The following UTS2B variants were observed in gnomAD, a reference collection of about 807,000 sequenced individuals.
UTS2B encodes the protein urotensin 2B.
In UTS2B, 21 loss-of-function variants were observed where a neutral mutation model predicts 19.2. The ratio of observed to expected loss-of-function variants is 1.09; its 90% confidence interval spans 0.78 to 1.58. The LOEUF (loss-of-function observed/expected upper bound fraction) is 1.58. UTS2B is among the 40% of genes most tolerant of loss of function. The pLI is 0.00. For synonymous variants in UTS2B, 57 were observed against 50.2 expected (o/e 1.14, Z -0.58); for missense variants, 138 against 130.3 (o/e 1.06, Z -0.29).
At chr3:191,298,583 A>C (rs1219176920) in intron 4 of UTS2B, among the ~76,000 whole-genome samples, 1 of 152,198 alleles carries the variant, frequency 6.6e-6, no homozygotes, top group Non-Finnish European at 1.5e-5. Context: ...GTTAAACCTC[A>C]TTTCTTTATA....
upstream of UTS2B, among the ~76,000 whole-genome samples, chr3:191,332,403 A>G (rs1413654382): frequency 3.3e-5 from 5 of 152,346 alleles, no homozygotes; most frequent in South Asian, 6.2e-4. Context: ...GAATCAAGTC[A>G]ACTAAGTGTC....
chr3:191,337,176 A>G, the UTS2B span, among the ~76,000 whole-genome samples: 1 of 152,168 alleles, frequency 6.6e-6, no homozygotes, highest in Non-Finnish European at 1.5e-5. Context: ...CAGAAAAAAA[A>G]AAAAGATTTG....
At chr3:191,318,332 A>G (rs929656058) in intron 2 of UTS2B, among the ~76,000 whole-genome samples, 11 of 152,244 alleles carry the variant, frequency 7.2e-5, no homozygotes, top group African/African-American at 2.7e-4. Context: ...AGGAAATCTC[A>G]TAAATCTGAG....
the UTS2B span, among the ~76,000 whole-genome samples, chr3:191,344,290 C>G: frequency 6.6e-6 from 1 of 152,268 alleles, no homozygotes; most frequent in African/African-American, 2.4e-5. Context: ...CTAGAGCAGT[C>G]CTATCTAATA....
chr3:191,331,490 G>A (rs903957908), upstream of UTS2B, among the ~76,000 whole-genome samples: 4 of 152,088 alleles, frequency 2.6e-5, no homozygotes, highest in African/African-American at 7.2e-5. Context: ...TTCATTTTGC[G>A]TAATACGGTG....
rs200863229 is a variant in UTS2B, at chr3:191,275,272, G to A, written c.314C>T (p.Ser105Phe). ...ETSYAVDGLF[S>F]SHPSKRACFW... ...CTTACCTCGTTTGCTAGGATGAGAA[G>A]AGAATAGACCATCTACAGCATAGGA... Residue 105 changes from serine (S) to phenylalanine (F), a missense_variant, in exon 8 of 9, where the codon TCT becomes TTT. Ser to Phe is a radical substitution (Grantham distance 155). Transcript: ENST00000340524. 3.8e-5 allele frequency: 61 copies of A among 1,611,802 alleles called. No individual in the cohort carries two copies. The African/African-American group carries it at 7.7e-4, about 20-fold the overall frequency.
chr3:191,275,406 C>T (rs1016835943), intron 7 of UTS2B, 61 bp from the exon 8 acceptor site: 31 of 1,413,998 alleles, frequency 2.2e-5, no homozygotes, highest in East Asian at 6.8e-5. Flanking sequence ...GTTGACCGGG[C>T]GCGGTGGCTT....
intron 2 of UTS2B, among the ~76,000 whole-genome samples, chr3:191,320,008 T>G (rs1717572020): frequency 6.6e-6 from 1 of 152,112 alleles, no homozygotes; most frequent in Admixed American, 6.5e-5. Context: ...ACATATTTCA[T>G]GAGCAGCAAT....
At chr3:191,276,759 C>T in intron 7 of UTS2B, 48 bp downstream of exon 7, 2 of 1,506,148 alleles carry the variant, frequency 1.3e-6, no homozygotes, top group Admixed American at 1.9e-5. Flanking sequence ...AAGAAATTTC[C>T]TTATAATTGT....
Position 191,310,932 on chromosome 3 carries a change from G to A in UTS2B, c.-182+5104C>T, listed in dbSNP as rs189582624. Among the ~76,000 whole-genome samples the A allele has an allele frequency of 3.1e-3, 472 of 152,290 alleles. 3 individuals are homozygous for A. The highest frequency in any genetic ancestry group is 0.011 in the African/African-American group (440 of 41,552). ...TATTTGTTATCTTTAGGGTCAAGAC[G>A]TACAGTTTCAGAAGCTGCAACTGGC... is the stretch of plus-strand genomic sequence containing the variant. On this transcript the variant is annotated intron_variant, in intron 3 of 8. Transcript: ENST00000340524.
intron 4 of UTS2B, among the ~76,000 whole-genome samples, chr3:191,287,453 C>A (rs1716586659): frequency 6.6e-6 from 1 of 151,952 alleles, no homozygotes; most frequent in Non-Finnish European, 1.5e-5. Context: ...TTTACATACA[C>A]AAATGAATAA....
intron 4 of UTS2B, among the ~76,000 whole-genome samples, chr3:191,298,195 C>A (rs988683927): frequency 1.3e-5 from 2 of 151,986 alleles, no homozygotes; most frequent in South Asian, 2.1e-4. Context: ...AATAATAGAC[C>A]CACAATAACC....
In UTS2B at chr3:191,275,297, A is replaced by G. The variant is rs778081144; in HGVS notation, c.289T>C (p.Ser97Pro). The stretch of plus-strand genomic sequence containing the variant: ...GAGAATAGACCATCTACAGCATAGG[A>G]CGTCTCAGAATCCTTCTCCTCCACT... ...QLVEEKDSET[S>P]YAVDGLFSSH... Residue 97 changes from serine to proline, a missense_variant, in exon 8 of 9, where the codon TCC (serine) becomes CCC (proline). Transcript: ENST00000340524. 3 of 1,613,910 alleles carry G rather than the reference A, an allele frequency of 1.9e-6. No homozygotes were observed. The highest frequency in any genetic ancestry group is 2.5e-6 in the Non-Finnish European group (3 of 1,179,844).
intron 3 of UTS2B, among the ~76,000 whole-genome samples, chr3:191,309,425 A>T (rs1717230066): frequency 6.6e-6 from 1 of 151,898 alleles, no homozygotes; most frequent in Non-Finnish European, 1.5e-5. Context: ...TGCCCGCCTC[A>T]GCCTCCCAAA....
At chr3:191,308,610 G>T (rs1717207850) in intron 3 of UTS2B, among the ~76,000 whole-genome samples, 1 of 152,012 alleles carries the variant, frequency 6.6e-6, no homozygotes, top group Non-Finnish European at 1.5e-5. Context: ...TTGTTCCCCT[G>T]GCCTCTATCC....
intron 4 of UTS2B, 86 bp from the exon 5 acceptor site, chr3:191,282,399 G>A: frequency 4.2e-6 from 2 of 476,302 alleles, no homozygotes; most frequent in East Asian, 3.4e-5. Flanking sequence ...ACTTGGAGAA[G>A]TGACAGATTT....
rs987066685 is a variant in UTS2B, at chr3:191,267,659, G to T, written c.*757C>A. The T allele has an allele frequency of 1.3e-5, 2 of 152,214 alleles. No homozygotes were observed. The highest frequency in any genetic ancestry group is 2.9e-5 in the Non-Finnish European group (2 of 68,048). The allele number at this position is 152,214 out of a possible 1,614,324, so 9.4% of individuals were successfully genotyped here. ...TATTATTAAGTTTAGCAAGGGCAGGGGTAGGTTAATGAGGGATTTAGGGTC... is the reference window on the plus strand; with the variant it reads ...TATTATTAAGTTTAGCAAGGGCAGGTGTAGGTTAATGAGGGATTTAGGGTC... On this transcript the variant is annotated 3_prime_UTR_variant, in exon 9 of 9. Transcript: ENST00000340524.
chr3:191,333,050 G>A (rs1244099606), upstream of UTS2B, among the ~76,000 whole-genome samples: 1 of 151,904 alleles, frequency 6.6e-6, no homozygotes, highest in Non-Finnish European at 1.5e-5. Context: ...TCATTTTTAT[G>A]TTCAATTCTT....
At chr3:191,286,774 A>G (rs1716555474) in intron 4 of UTS2B, among the ~76,000 whole-genome samples, 1 of 152,124 alleles carries the variant, frequency 6.6e-6, no homozygotes, top group Non-Finnish European at 1.5e-5. Flanking sequence ...ATCAGAGCAG[A>G]AATAAATGAA....
Sources: allele counts gnomAD v4.1 joint callset (sites outside exome capture counted in the v4.1 genomes callset), GRCh38; gene constraint gnomAD v4.1.1; transcripts MANE v1.5; gene names NCBI Gene and HGNC (gene_info 2026-07-23, HGNC 2026-07-21).